HELZ: variants seen among roughly 807,000 people sequenced by gnomAD.
The protein encoded by HELZ is ATP-dependent RNA helicase with zinc finger domain.
Under a neutral mutation model 218.2 loss-of-function variants are expected in HELZ, and 23 were observed. The observed-to-expected ratio is 0.11, with a 90% CI of 0.08 to 0.15. The LOEUF (loss-of-function observed/expected upper bound fraction) is 0.15, where lower values mean the gene tolerates loss of function less well. Among genes scored for constraint, HELZ ranks in the 10% least tolerant of loss-of-function variants. The pLI, the probability that HELZ is intolerant of heterozygous loss-of-function variation, is 1.00. For missense variants in HELZ, 1,813 were observed against 2,353.7 expected, an observed-to-expected ratio of 0.77 and a Z score of 4.75; for synonymous variants, 814 against 829.4, an observed-to-expected ratio of 0.98 and a Z score of 0.32.
intron 27 of HELZ, among the ~76,000 whole-genome samples, chr17:67,119,707 C>CA (rs1255399265): frequency 2.0e-5 from 3 of 152,224 alleles, no homozygotes; most frequent in East Asian, 3.9e-4. Flanking sequence ...TTTATATCAA[C>CA]AATCCCACAA....
chr17:67,143,062 A>C (rs1267456981), intron 21 of HELZ, among the ~76,000 whole-genome samples: 1 of 152,100 alleles, frequency 6.6e-6, no homozygotes, highest in Non-Finnish European at 1.5e-5. Context: ...CACCCGGCCA[A>C]GGAGGGACAT....
intron 3 of HELZ, among the ~76,000 whole-genome samples, chr17:67,220,860 C>A (rs537011176): frequency 0.012 from 1,602 of 132,074 alleles, 24 homozygotes; most frequent in South Asian, 0.02. Context: ...CCCCCCCCCC[C>A]AAAAAAAAAG....
At chr17:67,174,064 G>C (rs1019879963) in intron 13 of HELZ, among the ~76,000 whole-genome samples, 5 of 152,076 alleles carry the variant, frequency 3.3e-5, no homozygotes, top group Admixed American at 2.0e-4. Flanking sequence ...GATAAGAGAA[G>C]TAAAACAAAT....
intron 17 of HELZ, among the ~76,000 whole-genome samples, chr17:67,152,095 A>G (rs2038701948): frequency 6.6e-6 from 1 of 152,190 alleles, no homozygotes; most frequent in Non-Finnish European, 1.5e-5. Context: ...CAGAACATAT[A>G]TGGTGGGGGT....
chr17:67,139,037 G>A (rs1259201255), intron 21 of HELZ, among the ~76,000 whole-genome samples: 2 of 152,074 alleles, frequency 1.3e-5, no homozygotes, highest in Admixed American at 6.6e-5. Context: ...GGAAGGAGGT[G>A]TGTTTTCAAA....
In HELZ at chr17:67,234,320, G is replaced by GAAA. The variant is rs112024991; in HGVS notation, c.-19+5110_-19+5112dup. Among the ~76,000 whole-genome samples the GAAA allele has an allele frequency of 2.2e-5, 3 of 135,648 alleles. No homozygotes were observed. In the South Asian group the frequency reaches 7.0e-4, roughly 31 times the overall value. The allele number at this position is 135,648 out of a possible 152,430, so 89.0% of individuals were successfully genotyped here. A position where few individuals can be genotyped will look rare whatever the true frequency, so the allele number is the denominator to read the frequency against. ...AAAAAAAAAAAAAAGAAAGAAAAAA[G>GAAA]AAAAAAAAAAACACAGAGATACAGA... On this transcript the variant is annotated intron_variant, in intron 3 of 32. Transcript: ENST00000358691.
In HELZ at chr17:67,138,058, C is replaced by G; in HGVS notation, c.2826G>C (p.Trp942Cys). The G allele has an allele frequency of 6.2e-7, 1 of 1,613,852 alleles. No individual in the cohort carries two copies. Among genetic ancestry groups the G allele is most frequent in the Non-Finnish European group, 8.5e-7 (1 of 1,179,864 alleles). Residue 942 changes from tryptophan (W) to cysteine (C), a missense_variant, in exon 22 of 33, where the codon TGG becomes TGC. Physicochemically the swap from Trp to Cys is radical, Grantham distance 215. This residue lies in a region of HELZ where 156 missense variants were observed against 274.4 expected (regional missense o/e 0.57). Coordinates refer to ENST00000358691, the MANE Select transcript of HELZ (RefSeq NM_014877.4). ...CAATACTGCCATCATCTAACTTCCC[C>G]CACGCTACTGGCCACTTCCTTCTTA... ...EELRRKWPVA[W>C]GKLDDGSIGV...
At chr17:67,227,798 T>C (rs535301811) in intron 3 of HELZ, among the ~76,000 whole-genome samples, 60 of 152,342 alleles carry the variant, frequency 3.9e-4, no homozygotes, top group African/African-American at 1.4e-3. Context: ...CCAGACCACC[T>C]TGAAATCAAG....
At chr17:67,134,234 C>T (rs1352244457) in intron 23 of HELZ, among the ~76,000 whole-genome samples, 1 of 151,956 alleles carries the variant, frequency 6.6e-6, no homozygotes, top group Non-Finnish European at 1.5e-5. Flanking sequence ...AAACACAAAA[C>T]ATTAGCTGGG....
chr17:67,151,029 G>C lies in HELZ; in HGVS notation c.2356+17C>G, dbSNP rs139924797. 2.9e-4 allele frequency: 474 copies of C among 1,610,162 alleles called. 1 individual carries two copies. In the African/African-American group the frequency reaches 5.6e-3, roughly 19 times the overall value. ...ATAAGCCCTAAACTTGTGAGACTGT[G>C]TCTTGAGTCAGCATACCAGGTTCAA... On this transcript the variant is annotated intron_variant, in intron 18 of 32. Transcript: ENST00000358691.
Position 67,086,583 on chromosome 17 carries a change from A to AAT in HELZ, c.5494+244_5494+245dup, listed in dbSNP as rs748388337. ...GCGACAAGAGTGAAACTGCATCTCA[A>AAT]ATATATATACATATATTAATATATA... On this transcript the variant is annotated intron_variant, in intron 32 of 32. Transcript: ENST00000358691. Among the ~76,000 whole-genome samples, 47 of 141,360 alleles carry AAT rather than the reference A, an allele frequency of 3.3e-4. No individual in the cohort carries two copies. In the East Asian group the frequency reaches 6.8e-3, roughly 20 times the overall value. The allele number at this position is 141,360 out of a possible 152,430, so 92.7% of individuals were successfully genotyped here.
chr17:67,159,456 C>T (rs902946026), intron 17 of HELZ, among the ~76,000 whole-genome samples: 6 of 151,704 alleles, frequency 4.0e-5, no homozygotes, highest in Non-Finnish European at 7.4e-5. Flanking sequence ...AGAAATAAAA[C>T]GTTAGTGACT....
At chr17:67,235,492 G>C (rs533283552) in intron 3 of HELZ, among the ~76,000 whole-genome samples, 1 of 149,424 alleles carries the variant, frequency 6.7e-6, no homozygotes, top group East Asian at 2.0e-4. Flanking sequence ...GCAACAGAGC[G>C]AGACTCCCTC....
At chr17:67,171,002 T>C (rs981133136) in intron 13 of HELZ, among the ~76,000 whole-genome samples, 6 of 151,880 alleles carry the variant, frequency 4.0e-5, no homozygotes, top group Admixed American at 1.3e-4. Context: ...CAAAGAATCA[T>C]AGCAAAAAGA....
At chr17:67,106,400 C>T (rs1227774095) in intron 31 of HELZ, among the ~76,000 whole-genome samples, 8 of 151,500 alleles carry the variant, frequency 5.3e-5, no homozygotes, top group African/African-American at 1.7e-4. Flanking sequence ...CTCAGCCTCC[C>T]GGGTTCACGC....
At chr17:67,131,178 G>C (rs572239988) in intron 23 of HELZ, among the ~76,000 whole-genome samples, 18 of 152,306 alleles carry the variant, frequency 1.2e-4, no homozygotes, top group Non-Finnish European at 2.2e-4. Context: ...ATGAGCTACT[G>C]TACGCAGCCT....
intron 17 of HELZ, among the ~76,000 whole-genome samples, chr17:67,156,843 T>C (rs896707626): frequency 6.6e-6 from 1 of 152,130 alleles, no homozygotes; most frequent in Non-Finnish European, 1.5e-5. Context: ...CTCATTTATA[T>C]AGTATGGATA....
intron 31 of HELZ, among the ~76,000 whole-genome samples, chr17:67,099,743 T>C (rs2036864808): frequency 6.6e-6 from 1 of 152,192 alleles, no homozygotes; most frequent in Non-Finnish European, 1.5e-5. Context: ...AATAGATAAC[T>C]GGGGAAAGGT....
intron 6 of HELZ, among the ~76,000 whole-genome samples, chr17:67,202,231 A>T (rs563544516): frequency 1.4e-5 from 2 of 145,420 alleles, no homozygotes; most frequent in Admixed American, 6.9e-5. Flanking sequence ...GAACTGGTTT[A>T]AAAAAAAAAA....
Sources: allele counts gnomAD v4.1 joint callset (sites outside exome capture counted in the v4.1 genomes callset), GRCh38; gene constraint gnomAD v4.1.1; regional missense constraint gnomAD v4.1.1; transcripts MANE v1.5; gene names NCBI Gene and HGNC (gene_info 2026-07-23, HGNC 2026-07-21).